CCDC85C: variants seen among roughly 807,000 people sequenced by gnomAD.
CCDC85C encodes coiled-coil domain-containing protein 85C.
In CCDC85C, 18 loss-of-function variants were observed where a neutral mutation model predicts 38.3. That is an observed-to-expected ratio of 0.47 (90% CI 0.33 to 0.70). CCDC85C has a LOEUF of 0.70. Among genes scored for constraint, CCDC85C ranks in the 30% least tolerant of loss-of-function variants. The probability of loss-of-function intolerance (pLI) is 0.03; values close to 1 mark genes in which losing one functional copy is unlikely to be tolerated. For missense variants in CCDC85C, 566 were observed against 621.2 expected, an observed-to-expected ratio of 0.91 and a Z score of 0.94; for synonymous variants, 264 against 293.8, an observed-to-expected ratio of 0.90 and a Z score of 1.04.
At chr14:99,586,350 C>T (rs1021610740) in intron 1 of CCDC85C, among the ~76,000 whole-genome samples, 2 of 152,246 alleles carry the variant, frequency 1.3e-5, no homozygotes, top group Non-Finnish European at 2.9e-5. Flanking sequence ...ATGCCCCTCA[C>T]AGGCAGCGGC....
chr14:99,513,832 C>T lies in CCDC85C; in HGVS notation c.*1414G>A, dbSNP rs544557177. 2.6e-4 allele frequency: 2 copies of T among 7,574 alleles called. No individual in the cohort carries two copies. Among genetic ancestry groups the T allele is most frequent in the East Asian group, 0.012 (1 of 86 alleles). The allele number at this position is 7,574 out of a possible 1,614,324, so 0.5% of individuals were successfully genotyped here. On this transcript the variant is annotated 3_prime_UTR_variant, in exon 6 of 6. Coordinates refer to ENST00000380243, the MANE Select transcript of CCDC85C (RefSeq NM_001144995.2). ...GGGGAAGCGGCCTGTCCCCGTGCTG[C>T]AGCTGTGGGATCAAAATCCCTGTCA...
At chr14:99,518,231 C>G (rs1239632484) in intron 3 of CCDC85C, among the ~76,000 whole-genome samples, 5 of 152,126 alleles carry the variant, frequency 3.3e-5, no homozygotes, top group Non-Finnish European at 7.4e-5. Flanking sequence ...GGCCTGGCAG[C>G]CAACCCCTGG....
At chr14:99,591,425 G>A (rs564303565) in intron 1 of CCDC85C, among the ~76,000 whole-genome samples, 5 of 152,186 alleles carry the variant, frequency 3.3e-5, no homozygotes, top group East Asian at 1.9e-4. Context: ...CTGGGGCTGC[G>A]GAGGCTGCCA....
rs1157543890 is a variant in CCDC85C, at chr14:99,501,306, C to A, written c.*13940G>T. The A allele has an allele frequency of 2.6e-6, 3 of 1,160,588 alleles. No homozygotes were observed. Among genetic ancestry groups the A allele is most frequent in the Non-Finnish European group, 3.9e-6 (3 of 768,876 alleles). 71.9% of individuals were successfully genotyped at this position (1,160,588 alleles called of 1,614,324 possible). ...GTTTTTAATAAATACTTGATGCTGC[C>A]TGTGAATTTTTCTATTGCTATTAAT... On this transcript the variant is annotated 3_prime_UTR_variant, in exon 6 of 6. Transcript: ENST00000380243.
At chr14:99,537,008 CG>C (rs1392345149) in intron 1 of CCDC85C, among the ~76,000 whole-genome samples, 4 of 152,050 alleles carry the variant, frequency 2.6e-5, no homozygotes, top group African/African-American at 9.7e-5. Context: ...GAACACAGGC[CG>C]GGGGACCACC....
chr14:99,593,263 CAACGGAA>C (rs2055108108), intron 1 of CCDC85C, among the ~76,000 whole-genome samples: 1 of 152,240 alleles, frequency 6.6e-6, no homozygotes, highest in South Asian at 2.1e-4. Context: ...ACCTGGGAGC[CAACGGAA>C]AGACAGATTT....
intron 1 of CCDC85C, among the ~76,000 whole-genome samples, chr14:99,602,921 G>C (rs1180415919): frequency 6.6e-6 from 1 of 152,146 alleles, no homozygotes; most frequent in Non-Finnish European, 1.5e-5. Flanking sequence ...AACTTTTCTG[G>C]GACCGGACCG....
chr14:99,555,114 G>A (rs10147568), intron 1 of CCDC85C, among the ~76,000 whole-genome samples: 80,759 of 152,112 alleles, frequency 0.53, 21,626 homozygotes, highest in African/African-American at 0.58. Flanking sequence ...GCAGAGGGTG[G>A]CCTTGCTGGA....
At chr14:99,581,895 T>C (rs1428467215) in intron 1 of CCDC85C, among the ~76,000 whole-genome samples, 1 of 152,178 alleles carries the variant, frequency 6.6e-6, no homozygotes, top group Non-Finnish European at 1.5e-5. Context: ...TGACTGACCA[T>C]TACCGACGCA....
chr14:99,500,959 G>A lies in CCDC85C; in HGVS notation c.*14287C>T, dbSNP rs770970883. On this transcript the variant is annotated 3_prime_UTR_variant, in exon 6 of 6. Transcript: ENST00000380243. ...CACTCAAATTACGCTTCTCAAAAGC[G>A]GAAAACAAAGTTTGATGTGTGAAAT... 5.2e-5 allele frequency: 43 copies of A among 832,870 alleles called. No homozygotes were observed. The highest frequency in any genetic ancestry group is 1.7e-4 in the African/African-American group (10 of 57,312). The allele number at this position is 832,870 out of a possible 1,614,324, so 51.6% of individuals were successfully genotyped here.
At chr14:99,542,834 A>G (rs1897738834) in intron 1 of CCDC85C, among the ~76,000 whole-genome samples, 1 of 152,166 alleles carries the variant, frequency 6.6e-6, no homozygotes, top group Non-Finnish European at 1.5e-5. Context: ...CTGAGGCATG[A>G]GCACTTCGGG....
At chr14:99,541,127 G>T (rs1332487794) in intron 1 of CCDC85C, among the ~76,000 whole-genome samples, 1 of 152,212 alleles carries the variant, frequency 6.6e-6, no homozygotes, top group Admixed American at 6.5e-5. Flanking sequence ...CCCTAGCTCA[G>T]CACTTGGCAC....
chr14:99,603,177 G>T lies in CCDC85C; in HGVS notation c.783C>A (p.Asn261Lys). ...CCGTGTAGTCCTTACCGTGCAGGCCGTTGGGGATGCTGCGGTGGTGCGGCG... is the reference window on the plus strand; with the variant it reads ...CCGTGTAGTCCTTACCGTGCAGGCCTTTGGGGATGCTGCGGTGGTGCGGCG... ...SAPPHHRSIP[N>K]GLHDPSSTYI... The change falls in exon 1 of 6, where the codon AAC (asparagine) becomes AAA (lysine). Residue 261 changes from asparagine (N) to lysine (K), a missense_variant. This residue lies in a region of CCDC85C where 286 missense variants were observed against 276.4 expected (regional missense o/e 1.03). Coordinates refer to ENST00000380243, the MANE Select transcript of CCDC85C (RefSeq NM_001144995.2). The surrounding 1 kb of genome is among the most constrained non-coding windows in gnomAD (Gnocchi z 7.5). The T allele has an allele frequency of 7.1e-7, 1 of 1,403,550 alleles. No individual in the cohort carries two copies. The highest frequency in any genetic ancestry group is 1.5e-5 in the South Asian group (1 of 65,762). The allele number at this position is 1,403,550 out of a possible 1,614,324, so 86.9% of individuals were successfully genotyped here. A position where few individuals can be genotyped will look rare whatever the true frequency, so the allele number is the denominator to read the frequency against.
chr14:99,571,423 C>T (rs1025883059), intron 1 of CCDC85C, among the ~76,000 whole-genome samples: 1 of 152,170 alleles, frequency 6.6e-6, no homozygotes, highest in African/African-American at 2.4e-5. Context: ...TGACCAAGTG[C>T]CTTTTGGGCG....
chr14:99,545,888 T>G lies in CCDC85C; in HGVS notation c.794-9800A>C, dbSNP rs757468075. Reference sequence around the variant, plus strand: ...AAACGCCCTGTGGGTGATTCTAACATGCAGCTCTGTGGTCACTGTTCCAAT... The same window carrying G: ...AAACGCCCTGTGGGTGATTCTAACAGGCAGCTCTGTGGTCACTGTTCCAAT... On this transcript the variant is annotated intron_variant, in intron 1 of 5. Transcript: ENST00000380243. This position sits in a 1 kb window ranked among gnomAD's most constrained non-coding sequence, Gnocchi z 4.7. Among the ~76,000 whole-genome samples, 3 of 152,132 alleles carry G rather than the reference T, an allele frequency of 2.0e-5. No homozygotes were observed. Among genetic ancestry groups the G allele is most frequent in the Non-Finnish European group, 4.4e-5 (3 of 68,026 alleles).
At chr14:99,598,372 C>T (rs551072388) in intron 1 of CCDC85C, among the ~76,000 whole-genome samples, 1 of 152,234 alleles carries the variant, frequency 6.6e-6, no homozygotes, top group Non-Finnish European at 1.5e-5. Flanking sequence ...TTCTGTATCA[C>T]GTGCTGGTCC....
In CCDC85C at chr14:99,569,971, A is replaced by G. The variant is rs1030048826; in HGVS notation, c.793+33196T>C. On this transcript the variant is annotated intron_variant, in intron 1 of 5. Coordinates refer to ENST00000380243, the MANE Select transcript of CCDC85C (RefSeq NM_001144995.2). This position sits in a 1 kb window ranked among gnomAD's most constrained non-coding sequence, Gnocchi z 4.3. ...AGCAACACACTGTCTCAAAAAAAAA[A>G]GAAAGAGCCTGAGCTCAGGCCCAGC... is the stretch of plus-strand genomic sequence containing the variant. 1.3e-5 allele frequency among the ~76,000 whole-genome samples: 2 copies of G among 151,992 alleles called. No individual in the cohort carries two copies. The highest frequency in any genetic ancestry group is 2.9e-5 in the Non-Finnish European group (2 of 67,974).
chr14:99,507,375 G>A lies in CCDC85C; in HGVS notation c.*7871C>T, dbSNP rs531351860. The A allele has an allele frequency of 1.1e-5, 6 of 529,400 alleles. No individual in the cohort carries two copies. Among genetic ancestry groups the A allele is most frequent in the South Asian group, 4.1e-5 (2 of 48,622 alleles). 32.8% of individuals were successfully genotyped at this position (529,400 alleles called of 1,614,324 possible). A position where few individuals can be genotyped will look rare whatever the true frequency, so the allele number is the denominator to read the frequency against. ...GAGAATCACCTGACCCCAGGAGTTC[G>A]AGGTCAGCCTGGGCAACAAAGTGAG... On this transcript the variant is annotated 3_prime_UTR_variant, in exon 6 of 6. Coordinates refer to ENST00000380243, the MANE Select transcript of CCDC85C (RefSeq NM_001144995.2).
At chr14:99,549,633 G>A (rs76117042) in intron 1 of CCDC85C, among the ~76,000 whole-genome samples, 2,934 of 152,328 alleles carry the variant, frequency 0.019, 102 homozygotes, top group African/African-American at 0.068. Flanking sequence ...GGTCTCCTGC[G>A]AGACACTGTC....
Sources: allele counts gnomAD v4.1 joint callset (sites outside exome capture counted in the v4.1 genomes callset), GRCh38; gene constraint gnomAD v4.1.1; regional missense constraint gnomAD v4.1.1; non-coding constraint Gnocchi (gnomAD v3.1); transcripts MANE v1.5; gene names NCBI Gene and HGNC (gene_info 2026-07-23, HGNC 2026-07-21).